DICER1: variants seen among roughly 807,000 people sequenced by gnomAD.
The protein encoded by DICER1 is dicer 1, ribonuclease III.
Under a neutral mutation model 194.1 loss-of-function variants are expected in DICER1, and 43 were observed. The observed-to-expected ratio is 0.22, with a 90% CI of 0.17 to 0.29. DICER1 has a LOEUF of 0.29. Ranked by LOEUF, DICER1 falls within the 10% of genes least tolerant of loss-of-function variation. The pLI is 1.00. For missense variants in DICER1, 1,608 were observed against 2,317.0 expected (o/e 0.69, Z 6.28); for synonymous variants, 832 against 820.5 (o/e 1.01, Z -0.24).
In DICER1 at chr14:95,124,569, G is replaced by A. The variant is rs556647675; in HGVS notation, c.1003C>T (p.His335Tyr). The A allele has an allele frequency of 6.2e-6, 10 of 1,613,820 alleles. No individual in the cohort carries two copies. The South Asian group carries it at 1.1e-4, about 18-fold the overall frequency. ...MVRELQKYIKHEQEELHRKFL... is the reference protein window; with the variant it reads ...MVRELQKYIKYEQEELHRKFL... ...TTCCTGTGCAGCTCCTCTTGCTCAT[G>A]TTTGATGTATTTCTGTAGTTCTCTT... The change falls in exon 8 of 27, where the codon CAT becomes TAT. Residue 335 changes from histidine (H) to tyrosine (Y), a missense_variant. His to Tyr is a moderately conservative substitution (Grantham distance 83). Coordinates refer to ENST00000343455, the MANE Select transcript of DICER1 (RefSeq NM_177438.3). This position sits in a 1 kb window ranked among gnomAD's most constrained non-coding sequence, Gnocchi z 4.5.
intron 8 of DICER1, among the ~76,000 whole-genome samples, chr14:95,121,035 G>C (rs576486881): frequency 1.2e-4 from 18 of 152,262 alleles, no homozygotes; most frequent in Admixed American, 4.6e-4. Flanking sequence ...GATACCATGA[G>C]AGCCCCCTGA....
At chr14:95,098,864 A>C (rs1890599046) in intron 22 of DICER1, among the ~76,000 whole-genome samples, 1 of 152,244 alleles carries the variant, frequency 6.6e-6, no homozygotes. Flanking sequence ...CTCAATAAAT[A>C]GGTAAAAATC....
intron 10 of DICER1, among the ~76,000 whole-genome samples, chr14:95,116,058 GACACACACACAC>G (rs150390018): frequency 2.3e-4 from 33 of 143,034 alleles, no homozygotes; most frequent in African/African-American, 7.8e-4. Flanking sequence ...TGCCTACACA[GACACACACACAC>G]ACACACACAC....
intron 8 of DICER1, among the ~76,000 whole-genome samples, chr14:95,120,889 G>C (rs867030322): frequency 7.9e-5 from 12 of 152,090 alleles, no homozygotes; most frequent in South Asian, 4.1e-4. Flanking sequence ...TCCCTACCAG[G>C]GTGGGCTAGA....
chr14:95,110,558 G>A (rs1218820186), intron 14 of DICER1, among the ~76,000 whole-genome samples: 3 of 152,104 alleles, frequency 2.0e-5, no homozygotes, highest in Non-Finnish European at 2.9e-5. Context: ...ATGAAACAAC[G>A]TTGAGCTGCT....
At position 95,129,223 on chromosome 14, in the gene DICER1, A is replaced by G. The variant is rs1893736822; in HGVS notation, c.734+249T>C. On this transcript the variant is annotated intron_variant, in intron 6 of 26. Coordinates refer to ENST00000343455, the MANE Select transcript of DICER1 (RefSeq NM_177438.3). ...GTTCCCAGTCCTTGGCAACAACAGC[A>G]AATAGGAAGAGCTGACACATAATCT... The G allele has an allele frequency of 6.7e-6, 3 of 444,910 alleles. No individual in the cohort carries two copies. The East Asian group carries it at 1.1e-4, about 16-fold the overall frequency. 27.6% of individuals were successfully genotyped at this position (444,910 alleles called of 1,614,324 possible).
intron 6 of DICER1, among the ~76,000 whole-genome samples, chr14:95,127,555 A>G (rs1360292660): frequency 3.9e-5 from 6 of 152,224 alleles, no homozygotes; most frequent in Non-Finnish European, 8.8e-5. Flanking sequence ...ATTTTACACA[A>G]TATTTTTAAA....
chr14:95,135,569 T>C (rs903117275), intron 1 of DICER1, among the ~76,000 whole-genome samples: 1 of 152,192 alleles, frequency 6.6e-6, no homozygotes, highest in Non-Finnish European at 1.5e-5. Flanking sequence ...GAGGGTATTC[T>C]TCAAAAATGT....
intron 3 of DICER1, 82 bp downstream of exon 3, chr14:95,132,433 T>C: frequency 1.4e-6 from 2 of 1,454,594 alleles, no homozygotes; most frequent in Non-Finnish European, 1.9e-6. Context: ...ATAATTTAAC[T>C]TAAGAAACAC....
chr14:95,090,406 A>G lies in DICER1; in HGVS notation c.*92T>C, dbSNP rs1337699534. 2 of 1,399,844 alleles carry G rather than the reference A, an allele frequency of 1.4e-6. No homozygotes were observed. The highest frequency in any genetic ancestry group is 2.9e-5 in the African/African-American group (2 of 70,174). 86.7% of individuals were successfully genotyped at this position (1,399,844 alleles called of 1,614,324 possible). ...ATTCTGCCTTCAATTCATTCCACTC[A>G]CTAACAACTTTAAGTCTTCCTTTCC... On this transcript the variant is annotated 3_prime_UTR_variant, in exon 27 of 27. Coordinates refer to ENST00000343455, the MANE Select transcript of DICER1 (RefSeq NM_177438.3).
In DICER1 at chr14:95,087,652, C is replaced by T. The variant is rs943394672; in HGVS notation, c.*2846G>A. Reference sequence around the variant, plus strand: ...CAGAAGGGAAAAAGCTATTATAAAACGCAGCATAGTTAGGACTGCGGAAAG... The same window carrying T: ...CAGAAGGGAAAAAGCTATTATAAAATGCAGCATAGTTAGGACTGCGGAAAG... On this transcript the variant is annotated 3_prime_UTR_variant, in exon 27 of 27. Coordinates refer to ENST00000343455, the MANE Select transcript of DICER1 (RefSeq NM_177438.3). The T allele has an allele frequency of 8.2e-5, 19 of 233,044 alleles. No homozygotes were observed. The highest frequency in any genetic ancestry group is 2.2e-4 in the African/African-American group (10 of 45,326). The allele number at this position is 233,044 out of a possible 1,614,324, so 14.4% of individuals were successfully genotyped here. A position where few individuals can be genotyped will look rare whatever the true frequency, so the allele number is the denominator to read the frequency against.
intron 21 of DICER1, 134 bp downstream of exon 21, chr14:95,103,212 G>C: frequency 2.0e-6 from 2 of 979,678 alleles, no homozygotes; most frequent in East Asian, 2.4e-5. Context: ...TAGAACAAGG[G>C]AGCAGCTGTG....
intron 17 of DICER1, among the ~76,000 whole-genome samples, chr14:95,106,624 T>C (rs892839301): frequency 1.3e-5 from 2 of 152,058 alleles, no homozygotes; most frequent in Admixed American, 6.5e-5. Context: ...TCATCTATGA[T>C]AGTGATGGTC....
At position 95,096,345 on chromosome 14, in the gene DICER1, C is replaced by T. The variant is rs189516161; in HGVS notation, c.4575G>A (p.Val1525=). 2.5e-6 allele frequency: 4 copies of T among 1,614,194 alleles called. No homozygotes were observed. The highest frequency in any genetic ancestry group is 4.5e-5 in the East Asian group (2 of 44,892). The stretch of plus-strand genomic sequence containing the variant: ...TTTCTTCTGATGGATTCCAGAACCC[C>T]ACCACAAAGTCATCTTCTTCAACAG... The part of the protein sequence containing the change: ...SKAVEEDDFV[V]GFWNPSEENC... Residue 1525 remains valine, a synonymous_variant, in exon 23 of 27, where the codon GTG becomes GTA. Coordinates refer to ENST00000343455, the MANE Select transcript of DICER1 (RefSeq NM_177438.3).
At chr14:95,139,360 C>T (rs1372429048) in intron 1 of DICER1, among the ~76,000 whole-genome samples, 2 of 152,224 alleles carry the variant, frequency 1.3e-5, no homozygotes, top group African/African-American at 4.8e-5. Context: ...CTGTATTACC[C>T]ACTGTACAGA....
In DICER1 at chr14:95,104,813, G is replaced by T. The variant is rs1239873206; in HGVS notation, c.3269+258C>A. On this transcript the variant is annotated intron_variant, in intron 20 of 26. Transcript: ENST00000343455. Reference sequence around the variant, plus strand: ...TTAACATATATTTGGATTTTTAAAAGAAAAAACAGACTGAAAATGCTGATG... The same window carrying T: ...TTAACATATATTTGGATTTTTAAAATAAAAAACAGACTGAAAATGCTGATG... 2.0e-5 allele frequency among the ~76,000 whole-genome samples: 3 copies of T among 152,040 alleles called. No homozygotes were observed. In the South Asian group the frequency reaches 6.2e-4, roughly 31 times the overall value.
At chr14:95,123,311 T>C (rs929411593) in intron 8 of DICER1, among the ~76,000 whole-genome samples, 6 of 152,244 alleles carry the variant, frequency 3.9e-5, no homozygotes, top group Non-Finnish European at 5.9e-5. Context: ...GCTAATAGTC[T>C]TAGAACTTTC....
At chr14:95,094,520 T>C (rs1011734308) in intron 23 of DICER1, among the ~76,000 whole-genome samples, 2 of 152,136 alleles carry the variant, frequency 1.3e-5, no homozygotes, top group African/African-American at 4.8e-5. Flanking sequence ...CCCTCACACA[T>C]CATCACTTAA....
At chr14:95,120,159 C>T (rs988555432) in intron 8 of DICER1, among the ~76,000 whole-genome samples, 2 of 152,190 alleles carry the variant, frequency 1.3e-5, no homozygotes, top group Admixed American at 1.3e-4. Flanking sequence ...TATTGAAATA[C>T]ATTATCAACA....
Sources: allele counts gnomAD v4.1 joint callset (sites outside exome capture counted in the v4.1 genomes callset), GRCh38; gene constraint gnomAD v4.1.1; non-coding constraint Gnocchi (gnomAD v3.1); transcripts MANE v1.5; gene names NCBI Gene and HGNC (gene_info 2026-07-23, HGNC 2026-07-21).